The following LHFPL1 variants were observed in gnomAD, a reference collection of about 807,000 sequenced individuals.
LHFPL1 encodes LHFPL tetraspan subfamily member 1.
In LHFPL1, 4 loss-of-function variants were observed where a neutral mutation model predicts 12.1. That is an observed-to-expected ratio of 0.33 (90% CI 0.16 to 0.76). The LOEUF (loss-of-function observed/expected upper bound fraction) is 0.76, where lower values mean the gene tolerates loss of function less well. LHFPL1 is among the 30% of genes least tolerant of loss of function. The probability of loss-of-function intolerance (pLI) is 0.61; values close to 1 mark genes in which losing one functional copy is unlikely to be tolerated. For synonymous variants in LHFPL1, 52 were observed against 61.9 expected, an observed-to-expected ratio of 0.84 and a Z score of 0.75; for missense variants, 141 against 174.1, an observed-to-expected ratio of 0.81 and a Z score of 1.07.
intron 3 of LHFPL1, among the ~76,000 whole-genome samples, chrX:112,654,173 G>T (rs1321436649): frequency 2.7e-5 from 3 of 112,099 alleles, no homozygotes; most frequent in African/African-American, 9.7e-5. Flanking sequence ...TATACATAAA[G>T]TTGTTCCCTG....
At chrX:112,668,418 C>A (rs2147727828) in intron 2 of LHFPL1, among the ~76,000 whole-genome samples, 1 of 112,519 alleles carries the variant, frequency 8.9e-6, no homozygotes, top group Non-Finnish European at 1.9e-5. Flanking sequence ...GATGGGGAAG[C>A]TGTGGAGGTC....
At chrX:112,671,546 T>C (rs1020772896) in intron 1 of LHFPL1, 142 bp from the exon 2 acceptor site, 1 of 1,137,593 alleles carries the variant, frequency 8.8e-7, no homozygotes, top group Non-Finnish European at 1.2e-6. Flanking sequence ...TGGATAAGAT[T>C]ATTCTCTCGA....
intron 3 of LHFPL1, among the ~76,000 whole-genome samples, chrX:112,654,497 T>C (rs192998674): frequency 1.5e-4 from 17 of 111,086 alleles, no homozygotes; most frequent in African/African-American, 3.9e-4. Flanking sequence ...GCTAGATAGA[T>C]AGAGAGCTAG....
intron 3 of LHFPL1, among the ~76,000 whole-genome samples, chrX:112,657,295 C>T (rs1010703728): frequency 8.9e-6 from 1 of 111,821 alleles, no homozygotes; most frequent in African/African-American, 3.2e-5. Context: ...TTCAAAGTGA[C>T]CTAACTAAAT....
intron 1 of LHFPL1, 89 bp from the exon 2 acceptor site, chrX:112,671,493 G>A (rs1389144670): frequency 2.5e-6 from 3 of 1,190,390 alleles, no homozygotes; most frequent in Admixed American, 4.4e-5. Flanking sequence ...CATCTGGTTG[G>A]CCAGTCCTGG....
intron 2 of LHFPL1, among the ~76,000 whole-genome samples, chrX:112,667,998 C>T (rs1569367457): frequency 9.0e-6 from 1 of 111,280 alleles, no homozygotes; most frequent in East Asian, 2.8e-4. Flanking sequence ...TCCATCTCTT[C>T]AGTGGTTTGG....
chrX:112,631,299 A>G lies in LHFPL1; in HGVS notation c.*121T>C. 1 of 572,785 alleles carries G rather than the reference A, an allele frequency of 1.7e-6. No individual in the cohort carries two copies. Among genetic ancestry groups the G allele is most frequent in the South Asian group, 5.2e-5 (1 of 19,053 alleles). The allele number at this position is 572,785 out of a possible 1,213,427, so 47.2% of individuals were successfully genotyped here. ...GTGAAAATGAACGACAATTAGTTTA[A>G]AAAGCATGCAAACACTAGGCTATGC... On this transcript the variant is annotated 3_prime_UTR_variant, in exon 4 of 4. Transcript: ENST00000371968.
In LHFPL1 at chrX:112,630,937, G is replaced by A. The variant is rs41300902; in HGVS notation, c.*483C>T. On this transcript the variant is annotated 3_prime_UTR_variant, in exon 4 of 4. Coordinates refer to ENST00000371968, the MANE Select transcript of LHFPL1 (RefSeq NM_178175.4). ...CCCCTGAAGCTTCCCCACAAGGTGC[G>A]GGGGGAAGCAGGAGAAAAAAAGGAA... 6,212 of 111,526 alleles carry A rather than the reference G, an allele frequency of 0.056. 140 individuals carry two copies. The highest frequency in any genetic ancestry group is 0.074 in the Non-Finnish European group (3,960 of 53,302). 9.2% of individuals were successfully genotyped at this position (111,526 alleles called of 1,213,427 possible). A position where few individuals can be genotyped will look rare whatever the true frequency, so the allele number is the denominator to read the frequency against.
At chrX:112,646,434 T>A (rs994880368) in intron 3 of LHFPL1, among the ~76,000 whole-genome samples, 1 of 108,894 alleles carries the variant, frequency 9.2e-6, no homozygotes, top group African/African-American at 3.3e-5. Flanking sequence ...CCAAACCCCC[T>A]CCAATCTTTC....
At chrX:112,668,965 G>A (rs993949686) in intron 2 of LHFPL1, among the ~76,000 whole-genome samples, 18 of 112,202 alleles carry the variant, frequency 1.6e-4, no homozygotes, top group Non-Finnish European at 3.4e-4. Flanking sequence ...AGAAATACAA[G>A]TGAAGCTAAA....
intron 3 of LHFPL1, among the ~76,000 whole-genome samples, chrX:112,643,128 C>T (rs1017132450): frequency 4.7e-5 from 5 of 107,116 alleles, no homozygotes; most frequent in Non-Finnish European, 3.9e-5. Context: ...CGCCTGTAAT[C>T]CCAGCACTTT....
chrX:112,671,210 G>C lies in LHFPL1; in HGVS notation c.181C>G (p.Leu61Val). 8.3e-7 allele frequency: 1 copy of C among 1,212,072 alleles called. No homozygotes were observed. The highest frequency in any genetic ancestry group is 1.1e-6 in the Non-Finnish European group (1 of 895,535). Residue 61 changes from leucine (L) to valine (V), a missense_variant, in exon 2 of 4, where the codon CTG becomes GTG. Coordinates refer to ENST00000371968, the MANE Select transcript of LHFPL1 (RefSeq NM_178175.4). ...NYPVRGEGHS[L>V]IMVEECGRYA... is the part of the protein sequence containing the mutation. ...CGCCCACATTCTTCCACCATGATCA[G>C]ACTGTGTCCCTCTCCCCGCACAGGG...
intron 2 of LHFPL1, among the ~76,000 whole-genome samples, chrX:112,666,618 AG>A (rs1464913803): frequency 8.9e-6 from 1 of 112,107 alleles, no homozygotes; most frequent in Non-Finnish European, 1.9e-5. Flanking sequence ...GAATGTGATC[AG>A]GGTATAAAGG....
Position 112,631,541 on chromosome X carries a change from A to C in LHFPL1, c.542T>G (p.Leu181Trp). 8.3e-7 allele frequency: 1 copy of C among 1,210,562 alleles called. No homozygotes were observed. The highest frequency in any genetic ancestry group is 1.1e-6 in the Non-Finnish European group (1 of 894,607). ...CAGGGAAAAM[L>W]ICTWLSCFAG... The stretch of plus-strand genomic sequence containing the variant: ...AAAGCAAGAGAGCCAGGTGCAGATC[A>C]ACATGGCTGCAGCTGCTCCACCTCC... The change falls in exon 4 of 4, where the codon TTG becomes TGG. Residue 181 changes from leucine to tryptophan, a missense_variant. Coordinates refer to ENST00000371968, the MANE Select transcript of LHFPL1 (RefSeq NM_178175.4).
chrX:112,640,607 G>A (rs1294894557), intron 3 of LHFPL1, among the ~76,000 whole-genome samples: 3 of 112,048 alleles, frequency 2.7e-5, no homozygotes, highest in Non-Finnish European at 5.6e-5. Context: ...AGATAAAGGC[G>A]TTGATGTGCA....
chrX:112,631,122 A>G lies in LHFPL1; in HGVS notation c.*298T>C, dbSNP rs145692966. 3.2e-3 allele frequency: 647 copies of G among 204,487 alleles called. No individual in the cohort carries two copies. Among genetic ancestry groups the G allele is most frequent in the African/African-American group, 0.017 (587 of 34,773 alleles). The allele number at this position is 204,487 out of a possible 1,213,427, so 16.9% of individuals were successfully genotyped here. A position where few individuals can be genotyped will look rare whatever the true frequency, so the allele number is the denominator to read the frequency against. On this transcript the variant is annotated 3_prime_UTR_variant, in exon 4 of 4. Transcript: ENST00000371968. The stretch of plus-strand genomic sequence containing the variant: ...TCTCGTGCTCCCTCCCTGCACAACT[A>G]TTCTTACCCAGCCTTAGCTTTGGAT...
intron 3 of LHFPL1, among the ~76,000 whole-genome samples, chrX:112,636,517 C>T (rs959396344): frequency 1.5e-4 from 17 of 111,799 alleles, no homozygotes; most frequent in African/African-American, 9.8e-5. Flanking sequence ...CCCTTAAGAA[C>T]GGCCATGCAT....
chrX:112,666,309 C>A (rs76263076), intron 2 of LHFPL1, among the ~76,000 whole-genome samples: 8,573 of 110,835 alleles, frequency 0.077, 304 homozygotes, highest in Admixed American at 0.1. Context: ...ACCACCCCCC[C>A]AGCCCCCGCC....
At chrX:112,643,107 G>A (rs1336033387) in intron 3 of LHFPL1, among the ~76,000 whole-genome samples, 5 of 105,518 alleles carry the variant, frequency 4.7e-5, no homozygotes, top group African/African-American at 1.4e-4. Flanking sequence ...AAAGCCGGGC[G>A]CAGTGGCTCA....
Sources: gnomAD v4.1 joint callset for allele counts (sites outside exome capture counted in the v4.1 genomes callset) on GRCh38, gnomAD v4.1.1 for gene constraint, MANE v1.5 for transcripts, NCBI Gene and HGNC (gene_info 2026-07-23, HGNC 2026-07-21) for gene names.